Variants in ZNRF1 observed in about 807,000 individuals in gnomAD.
The protein encoded by ZNRF1 is zinc and ring finger 1.
A neutral mutation model predicts 18.4 loss-of-function variants in ZNRF1; 3 were observed. The observed-to-expected ratio is 0.16, with a 90% confidence interval of 0.07 to 0.42. ZNRF1 has a LOEUF of 0.42. Among genes scored for constraint, ZNRF1 ranks in the 10% least tolerant of loss-of-function variants. The pLI, the probability that ZNRF1 is intolerant of heterozygous loss-of-function variation, is 0.99. For synonymous variants in ZNRF1, 157 were observed against 144.2 expected (o/e 1.09, Z -0.64); for missense variants, 310 against 329.8 (o/e 0.94, Z 0.47).
At chr16:75,095,600 A>G in intron 2 of ZNRF1, 3 of 1,545,306 alleles carry the variant, frequency 1.9e-6, no homozygotes, top group Non-Finnish European at 2.6e-6. Flanking sequence ...TGTTGTAGGA[A>G]GAATACAAAG....
chr16:75,069,382 G>A (rs1427922745), intron 1 of ZNRF1, among the ~76,000 whole-genome samples: 2 of 152,106 alleles, frequency 1.3e-5, no homozygotes, highest in East Asian at 3.9e-4. Flanking sequence ...CTTAGTCTTG[G>A]ATCTTTGTAC....
intron 1 of ZNRF1, among the ~76,000 whole-genome samples, chr16:75,087,391 G>T (rs963347973): frequency 1.3e-5 from 2 of 152,218 alleles, no homozygotes; most frequent in Admixed American, 6.5e-5. Context: ...CTCTGGTACA[G>T]CCAACCAAAT....
intron 1 of ZNRF1, among the ~76,000 whole-genome samples, chr16:75,085,439 A>C (rs998174623): frequency 6.6e-6 from 1 of 152,170 alleles, no homozygotes; most frequent in Admixed American, 6.5e-5. Flanking sequence ...CTGTTGACCA[A>C]CATTTGGATT....
At chr16:75,047,774 T>C (rs944831154) in intron 1 of ZNRF1, among the ~76,000 whole-genome samples, 1 of 152,184 alleles carries the variant, frequency 6.6e-6, no homozygotes, top group Non-Finnish European at 1.5e-5. Context: ...TACTACCAAC[T>C]GGGTAGCTTA....
chr16:75,012,889 C>G (rs117947681), intron 1 of ZNRF1, among the ~76,000 whole-genome samples: 1 of 152,132 alleles, frequency 6.6e-6, no homozygotes, highest in African/African-American at 2.4e-5. Flanking sequence ...AGCCTGTTAC[C>G]GGTTCCAGGT....
chr16:75,008,139 A>G (rs1052303470), intron 1 of ZNRF1, among the ~76,000 whole-genome samples: 2 of 152,076 alleles, frequency 1.3e-5, no homozygotes, highest in Non-Finnish European at 2.9e-5. Context: ...TCAGCTTCCC[A>G]AAATACTGGG....
chr16:75,090,829 T>G (rs1420107828), intron 1 of ZNRF1, among the ~76,000 whole-genome samples: 1 of 152,224 alleles, frequency 6.6e-6, no homozygotes, highest in East Asian at 1.9e-4. Context: ...GTTGCGTCAG[T>G]TAGCCTCCTG....
At chr16:75,106,233 C>CA in intron 3 of ZNRF1, 1 of 513,096 alleles carries the variant, frequency 1.9e-6, no homozygotes, top group South Asian at 2.3e-5. Context: ...CACTCTGCCC[C>CA]TTCCTGCAGC....
At chr16:75,089,501 G>T (rs2036111176) in intron 1 of ZNRF1, among the ~76,000 whole-genome samples, 1 of 152,256 alleles carries the variant, frequency 6.6e-6, no homozygotes. Context: ...TAAAGTGTAG[G>T]CCTCTTCCTA....
At chr16:75,092,405 G>T (rs1247066107) in intron 1 of ZNRF1, among the ~76,000 whole-genome samples, 4 of 152,194 alleles carry the variant, frequency 2.6e-5, no homozygotes, top group Non-Finnish European at 5.9e-5. Flanking sequence ...GGAAGTCCAG[G>T]CTGGGCGGGC....
At position 75,107,849 on chromosome 16, in the gene ZNRF1, C is replaced by G. The variant is rs1477581097; in HGVS notation, c.*149C>G. 2.2e-6 allele frequency: 1 copy of G among 456,060 alleles called. No individual in the cohort carries two copies. The highest frequency in any genetic ancestry group is 4.4e-6 in the Non-Finnish European group (1 of 226,518). The allele number at this position is 456,060 out of a possible 1,614,324, so 28.3% of individuals were successfully genotyped here. On this transcript the variant is annotated 3_prime_UTR_variant, in exon 5 of 5. Transcript: ENST00000335325. The stretch of plus-strand genomic sequence containing the variant: ...GCACTGACTTCCAGATCATGGTTCT[C>G]CCTTCCTCCCTGAGGACACCAAATT...
In ZNRF1 at chr16:75,053,301, G is replaced by A. The variant is rs142233066; in HGVS notation, c.425-40271G>A. On this transcript the variant is annotated intron_variant, in intron 1 of 4. Transcript: ENST00000335325. ...GACTCCAGCTAAAAACATAAAAATC[G>A]CCAATGGCTGGGTGCAGTGGCTCAT... 4.0e-3 allele frequency among the ~76,000 whole-genome samples: 605 copies of A among 152,130 alleles called. 1 individual carries two copies. The highest frequency in any genetic ancestry group is 0.01 in the Middle Eastern group (3 of 294).
intron 1 of ZNRF1, among the ~76,000 whole-genome samples, chr16:75,038,543 A>T (rs1246931396): frequency 1.3e-5 from 2 of 152,326 alleles, no homozygotes; most frequent in African/African-American, 4.8e-5. Context: ...TGACAAGGGG[A>T]AGGGCAGGAG....
rs185657572 is a variant in ZNRF1 at position 75,079,950 on chromosome 16, C to T, written c.425-13622C>T. On this transcript the variant is annotated intron_variant, in intron 1 of 4. Transcript: ENST00000335325. ...CTGTTTTTTGAGACGGAGTCTCACT[C>T]TGCCGCTCAGGCTGGAGTGCAGTGG... 3.2e-3 allele frequency among the ~76,000 whole-genome samples: 491 copies of T among 152,342 alleles called. 2 individuals are homozygous for T. The highest frequency in any genetic ancestry group is 5.7e-3 in the Non-Finnish European group (385 of 68,026).
chr16:75,024,549 G>A (rs918929621), intron 1 of ZNRF1, among the ~76,000 whole-genome samples: 1 of 152,154 alleles, frequency 6.6e-6, no homozygotes, highest in African/African-American at 2.4e-5. Flanking sequence ...CAGTGGCTTG[G>A]GATTGACTTT....
In ZNRF1 at chr16:75,108,959, T is replaced by C. The variant is rs8059093; in HGVS notation, c.*1259T>C. ...TCAGCCCTCTGTGGAGTCATTGTGC[T>C]GGACCTCTGAAAAGATCTGCAGGGG... is the stretch of plus-strand genomic sequence containing the variant. On this transcript the variant is annotated 3_prime_UTR_variant, in exon 5 of 5. Coordinates refer to ENST00000335325, the MANE Select transcript of ZNRF1 (RefSeq NM_032268.5). 0.9 allele frequency: 153,999 copies of C among 171,466 alleles called. 69,334 individuals carry two copies. The highest frequency in any genetic ancestry group is 0.93 in the Non-Finnish European group (75,535 of 81,156). The allele number at this position is 171,466 out of a possible 1,614,324, so 10.6% of individuals were successfully genotyped here.
Position 75,104,773 on chromosome 16 carries a change from C to T in ZNRF1, c.521-11C>T. ...CTAACCCTCCTGCACTCTCCCCTGTCCCCCTTGCAGATGATGTGCTGACTA... is the reference window on the plus strand; with the variant it reads ...CTAACCCTCCTGCACTCTCCCCTGTTCCCCTTGCAGATGATGTGCTGACTA... On this transcript the variant is annotated splice_polypyrimidine_tract_variant and intron_variant, in intron 2 of 4. Transcript: ENST00000335325. 6.3e-7 allele frequency: 1 copy of T among 1,589,778 alleles called. No individual in the cohort carries two copies. The highest frequency in any genetic ancestry group is 8.6e-7 in the Non-Finnish European group (1 of 1,168,554).
intron 1 of ZNRF1, chr16:75,084,740 C>T (rs2036054449): frequency 6.6e-6 from 1 of 152,282 alleles, no homozygotes; most frequent in South Asian, 2.1e-4. Flanking sequence ...TCTTCTAATA[C>T]ATCAAGGGCT....
rs536627631 is a variant in ZNRF1, at chr16:75,068,396, GC to G, written c.425-25174del. On this transcript the variant is annotated intron_variant, in intron 1 of 4. Transcript: ENST00000335325. ...TCATGAACCAGTTAACCCTGGCCTG[GC>G]CAGGGTCTCAGTTTGCGGGGGGCAC... Among the ~76,000 whole-genome samples the G allele has an allele frequency of 1.5e-3, 227 of 151,978 alleles. 1 individual carries two copies. The highest frequency in any genetic ancestry group is 2.6e-3 in the Non-Finnish European group (176 of 67,950).
Sources: gnomAD v4.1 joint callset for allele counts (sites outside exome capture counted in the v4.1 genomes callset) on GRCh38, gnomAD v4.1.1 for gene constraint, MANE v1.5 for transcripts, NCBI Gene and HGNC (gene_info 2026-07-23, HGNC 2026-07-21) for gene names.